Variants in DNAJC17 observed in about 807,000 individuals in gnomAD.
The protein encoded by DNAJC17 is dnaJ homolog subfamily C member 17.
Under a neutral mutation model 48.1 loss-of-function variants are expected in DNAJC17, and 35 were observed. That is an observed-to-expected ratio of 0.73 (90% CI 0.56 to 0.96). The LOEUF is 0.96. Ranked by LOEUF, DNAJC17 falls within the 50% of genes least tolerant of loss-of-function variation. DNAJC17 has a pLI of 0.00. For synonymous variants in DNAJC17, 117 were observed against 142.7 expected, an observed-to-expected ratio of 0.82 and a Z score of 1.28; for missense variants, 355 against 377.1, an observed-to-expected ratio of 0.94 and a Z score of 0.48.
chr15:40,780,436 G>A, intron 1 of DNAJC17: 1 of 418,476 alleles, frequency 2.4e-6, no homozygotes, highest in Non-Finnish European at 4.8e-6. Flanking sequence ...TAGAAGTATG[G>A]CAAAAATAAA....
intron 1 of DNAJC17, among the ~76,000 whole-genome samples, chr15:40,790,299 C>A (rs888037190): frequency 6.6e-6 from 1 of 152,152 alleles, no homozygotes; most frequent in South Asian, 2.1e-4. Context: ...GTGGGCCGGG[C>A]GCAGAGGCTC....
In DNAJC17 at chr15:40,792,390, G is replaced by C. The variant is rs549080061; in HGVS notation, c.79-12393C>G. On this transcript the variant is annotated intron_variant, in intron 1 of 10. Coordinates refer to ENST00000220496, the MANE Select transcript of DNAJC17 (RefSeq NM_018163.3). The stretch of plus-strand genomic sequence containing the variant: ...TAGTTTTCCTGATAAATAGACTTAA[G>C]CTTTGAGTCTTGAAAAACAATCAAA... The C allele has an allele frequency of 7.9e-6, 7 of 886,736 alleles. No homozygotes were observed. In the East Asian group the frequency reaches 7.2e-4, roughly 91 times the overall value. 54.9% of individuals were successfully genotyped at this position (886,736 alleles called of 1,614,324 possible). A position where few individuals can be genotyped will look rare whatever the true frequency, so the allele number is the denominator to read the frequency against.
intron 1 of DNAJC17, among the ~76,000 whole-genome samples, chr15:40,804,847 CA>C (rs1890159943): frequency 6.6e-6 from 1 of 151,986 alleles, no homozygotes; most frequent in African/African-American, 2.4e-5. Context: ...GATAAAAACA[CA>C]AAAATTAGCT....
At chr15:40,776,738 A>C in intron 4 of DNAJC17, 111 bp from the exon 5 acceptor site, 1 of 1,021,972 alleles carries the variant, frequency 9.8e-7, no homozygotes, top group Non-Finnish European at 1.5e-6. Flanking sequence ...ACGAGATCAT[A>C]CAGTAACTCT....
At chr15:40,805,200 A>T (rs1329545351) in intron 1 of DNAJC17, among the ~76,000 whole-genome samples, 1 of 150,178 alleles carries the variant, frequency 6.7e-6, no homozygotes, top group African/African-American at 2.5e-5. Context: ...ACACGGTGAG[A>T]CCCCGTCTCT....
In DNAJC17 at chr15:40,770,101, TGCCTGTGGAAGGAGC is replaced by T. The variant is rs2141944215; in HGVS notation, c.793-2054_793-2040del. 1 of 202,468 alleles carries T rather than the reference TGCCTGTGGAAGGAGC, an allele frequency of 4.9e-6. No individual in the cohort carries two copies. The highest frequency in any genetic ancestry group is 9.5e-5 in the South Asian group (1 of 10,550). 12.5% of individuals were successfully genotyped at this position (202,468 alleles called of 1,614,324 possible). On this transcript the variant is annotated intron_variant, in intron 10 of 10. Transcript: ENST00000220496. The surrounding 1 kb of genome is among the most constrained non-coding windows in gnomAD (Gnocchi z 5.0). ...GAGTGAGCTCGGGCCATCTGCTGCC[TGCCTGTGGAAGGAGC>T]GCTCGCCAGCCTCACCCAGCCCGAG...
intron 7 of DNAJC17, 55 bp downstream of exon 7, chr15:40,775,498 G>C (rs1889294265): frequency 3.1e-6 from 5 of 1,587,600 alleles, no homozygotes; most frequent in Non-Finnish European, 3.5e-6. Flanking sequence ...ATCTATTCCT[G>C]CTGAGGGGAG....
At position 40,776,307 on chromosome 15, in the gene DNAJC17, G is replaced by T. The variant is rs1248249258; in HGVS notation, c.382-15C>A. The stretch of plus-strand genomic sequence containing the variant: ...AGGCGTTCGATCTGCAGAGCAGGGG[G>T]TGGGGGTGACAATTCTGTGCAGGTC... On this transcript the variant is annotated splice_polypyrimidine_tract_variant and intron_variant, in intron 5 of 10. Transcript: ENST00000220496. 1 of 1,612,364 alleles carries T rather than the reference G, an allele frequency of 6.2e-7. No individual in the cohort carries two copies. The highest frequency in any genetic ancestry group is 1.3e-5 in the African/African-American group (1 of 74,868).
chr15:40,791,383 C>T (rs2141958572), intron 1 of DNAJC17, among the ~76,000 whole-genome samples: 1 of 151,924 alleles, frequency 6.6e-6, no homozygotes, highest in African/African-American at 2.4e-5. Context: ...CAAAAATTAA[C>T]TGGGTATGGT....
chr15:40,772,958 TC>T (rs1889197209), intron 10 of DNAJC17, among the ~76,000 whole-genome samples: 1 of 146,332 alleles, frequency 6.8e-6, no homozygotes, highest in Non-Finnish European at 1.5e-5. Flanking sequence ...CAGAGTTCCT[TC>T]TTTTTTTTTT....
chr15:40,776,370 G>A (rs756260105), intron 5 of DNAJC17, 78 bp from the exon 6 acceptor site: 23 of 1,521,752 alleles, frequency 1.5e-5, no homozygotes, highest in Non-Finnish European at 1.9e-5. Context: ...AAGTCCTTGG[G>A]AGCTTCCACC....
rs2141942471 is a variant in DNAJC17 at position 40,768,047 on chromosome 15, C to CT, written c.807dup (p.Glu270ArgfsTer100). The CT allele has an allele frequency of 1.3e-6, 2 of 1,578,768 alleles. No homozygotes were observed. The highest frequency in any genetic ancestry group is 1.7e-6 in the Non-Finnish European group (2 of 1,164,906). On this transcript the variant is annotated frameshift_variant, in exon 11 of 11. Transcript: ENST00000220496. LOFTEE classifies it high-confidence loss of function. The stretch of plus-strand genomic sequence containing the variant: ...ATGACGAGGCTCTCGTAGTCCCTCT[C>CT]TGACAGCACTGAGCCCTGTCGGACA...
intron 1 of DNAJC17, among the ~76,000 whole-genome samples, chr15:40,790,661 T>G (rs972990261): frequency 2.0e-5 from 3 of 152,216 alleles, no homozygotes; most frequent in African/African-American, 7.2e-5. Flanking sequence ...TCTTGGAGTC[T>G]TTGTTTCCAC....
At chr15:40,777,722 A>T (rs1292995645) in intron 4 of DNAJC17, among the ~76,000 whole-genome samples, 2 of 149,412 alleles carry the variant, frequency 1.3e-5, no homozygotes, top group Non-Finnish European at 3.0e-5. Context: ...CCGTTTAAGA[A>T]AAAAAAAAAA....
In DNAJC17 at chr15:40,770,772, C is replaced by T; in HGVS notation, c.793-2710G>A. 1 of 1,547,044 alleles carries T rather than the reference C, an allele frequency of 6.5e-7. No homozygotes were observed. The highest frequency in any genetic ancestry group is 8.7e-7 in the Non-Finnish European group (1 of 1,146,948). ...CCTCTACCGAGAGAGCTCAAGCTGC[C>T]CCAACATCCTGGAGCCCCCACCTGC... On this transcript the variant is annotated intron_variant, in intron 10 of 10. Coordinates refer to ENST00000220496, the MANE Select transcript of DNAJC17 (RefSeq NM_018163.3). This position sits in a 1 kb window ranked among gnomAD's most constrained non-coding sequence, Gnocchi z 5.0.
chr15:40,800,123 A>C (rs1055414579), intron 1 of DNAJC17, among the ~76,000 whole-genome samples: 7 of 152,182 alleles, frequency 4.6e-5, no homozygotes, highest in African/African-American at 1.7e-4. Flanking sequence ...CCCAGCCTGG[A>C]GTGCAGTGGC....
At chr15:40,774,508 C>T (rs1024508501) in intron 8 of DNAJC17, 72 bp from the exon 9 acceptor site, 32 of 1,554,728 alleles carry the variant, frequency 2.1e-5, no homozygotes, top group Non-Finnish European at 2.7e-5. Flanking sequence ...CAGAGACAAG[C>T]CTGGGCTACC....
Position 40,774,362 on chromosome 15 carries a change from C to T in DNAJC17, c.675G>A (p.Lys225=), listed in dbSNP as rs1306088607. 6.2e-7 allele frequency: 1 copy of T among 1,613,874 alleles called. No individual in the cohort carries two copies. Among genetic ancestry groups the T allele is most frequent in the African/African-American group, 1.3e-5 (1 of 74,950 alleles). The change falls in exon 9 of 11, where the codon AAG becomes AAA. Residue 225 remains lysine, a synonymous_variant. Transcript: ENST00000220496. ...AGCCTCATGCAGCACTCACCGCTGCCTTGACGGTTGCAAACTCCACCACAG... is the reference window on the plus strand; with the variant it reads ...AGCCTCATGCAGCACTCACCGCTGCTTTGACGGTTGCAAACTCCACCACAG... The part of the protein sequence containing the change: ...GTAVVEFATV[K]AAELAVQNEV...
chr15:40,782,078 G>A (rs935936981), intron 1 of DNAJC17, among the ~76,000 whole-genome samples: 1 of 151,970 alleles, frequency 6.6e-6, no homozygotes, highest in Non-Finnish European at 1.5e-5. Context: ...TTTTAAACAT[G>A]AGCCAGGTGT....
Sources: gnomAD v4.1 joint callset for allele counts (sites outside exome capture counted in the v4.1 genomes callset) on GRCh38, gnomAD v4.1.1 for gene constraint, Gnocchi (gnomAD v3.1) non-coding constraint, MANE v1.5 for transcripts, NCBI Gene and HGNC (gene_info 2026-07-23, HGNC 2026-07-21) for gene names.